Variants in FREM2 observed in about 807,000 individuals in gnomAD.
FREM2 encodes FRAS1 related extracellular matrix 2, also known as FRAS1-related extracellular matrix protein 2.
FREM2 carries 119 observed loss-of-function variants against 219.9 expected under a neutral mutation model. The ratio of observed to expected loss-of-function variants is 0.54; its 90% CI spans 0.47 to 0.63. The LOEUF is 0.63. Ranked by LOEUF, FREM2 falls within the 30% of genes least tolerant of loss-of-function variation. The probability of loss-of-function intolerance (pLI) is 0.00; values close to 1 mark genes in which losing one functional copy is unlikely to be tolerated. For missense variants in FREM2, 4,030 were observed against 3,993.6 expected (o/e 1.01, Z -0.25); for synonymous variants, 1,562 against 1,522.8 (o/e 1.03, Z -0.60).
At chr13:38,804,921 T>C (rs1457863777) in intron 6 of FREM2, among the ~76,000 whole-genome samples, 2 of 152,178 alleles carry the variant, frequency 1.3e-5, no homozygotes, top group East Asian at 3.9e-4. Context: ...CAATAATTCC[T>C]GATCAAACAA....
chr13:38,772,848 C>T (rs1452412508), intron 4 of FREM2, among the ~76,000 whole-genome samples: 1 of 152,018 alleles, frequency 6.6e-6, no homozygotes, highest in Non-Finnish European at 1.5e-5. Context: ...GGGCGGTTGC[C>T]ACCACGCCCG....
At chr13:38,853,420 T>G (rs1029701935) in intron 11 of FREM2, among the ~76,000 whole-genome samples, 1 of 152,188 alleles carries the variant, frequency 6.6e-6, no homozygotes, top group Non-Finnish European at 1.5e-5. Context: ...AATATTACAT[T>G]TATGAATTAT....
intron 6 of FREM2, among the ~76,000 whole-genome samples, chr13:38,786,367 CTT>C (rs1382963694): frequency 1.3e-5 from 2 of 152,150 alleles, no homozygotes; most frequent in African/African-American, 4.8e-5. Context: ...TATTGAAAGT[CTT>C]GATTCTACCT....
chr13:38,704,671 A>C (rs1455740261), intron 2 of FREM2, among the ~76,000 whole-genome samples: 3 of 152,160 alleles, frequency 2.0e-5, no homozygotes, highest in African/African-American at 7.2e-5. Flanking sequence ...TTTTGTGCTA[A>C]AGAAAAGAGT....
Position 38,689,497 on chromosome 13 carries a change from TC to T in FREM2, c.2154del (p.Thr719HisfsTer3). ...PLRMVVQESQ[L>X]TPLRKKWLRY... Reference sequence around the variant, plus strand: ...CGTATGGTGGTACAGGAATCCCAGCTCACACCACTGAGGAAGAAGTGGCTGC... The same window carrying T: ...CGTATGGTGGTACAGGAATCCCAGCTACACCACTGAGGAAGAAGTGGCTGC... On this transcript the variant is annotated frameshift_variant, in exon 1 of 24. Coordinates refer to ENST00000280481, the MANE Select transcript of FREM2 (RefSeq NM_207361.6). LOFTEE classifies it high-confidence loss of function. 1 of 1,614,000 alleles carries T rather than the reference TC, an allele frequency of 6.2e-7. No individual in the cohort carries two copies. The highest frequency in any genetic ancestry group is 8.5e-7 in the Non-Finnish European group (1 of 1,179,984).
rs560341477 is a variant in FREM2 at position 38,791,189 on chromosome 13, A to G, written c.6019+6381A>G. On this transcript the variant is annotated intron_variant, in intron 6 of 23. Coordinates refer to ENST00000280481, the MANE Select transcript of FREM2 (RefSeq NM_207361.6). ...CAGTACTTCTTCAACAGCACATTTAAAAATATATGTTTTAATATAAAGCAT... is the reference window on the plus strand; with the variant it reads ...CAGTACTTCTTCAACAGCACATTTAGAAATATATGTTTTAATATAAAGCAT... Among the ~76,000 whole-genome samples the G allele has an allele frequency of 2.0e-5, 3 of 152,312 alleles. No homozygotes were observed. In the East Asian group the frequency reaches 5.8e-4, roughly 29 times the overall value.
intron 2 of FREM2, among the ~76,000 whole-genome samples, chr13:38,704,878 T>A (rs1478084563): frequency 6.6e-6 from 1 of 151,980 alleles, no homozygotes; most frequent in East Asian, 1.9e-4. Context: ...TGAAGGGAAG[T>A]GCCACACTTT....
At chr13:38,874,193 C>G (rs1361065435) in intron 17 of FREM2, among the ~76,000 whole-genome samples, 5 of 151,996 alleles carry the variant, frequency 3.3e-5, no homozygotes, top group African/African-American at 1.2e-4. Flanking sequence ...CAATTTACAG[C>G]TTCATTTTTA....
At chr13:38,834,323 C>T (rs1463858591) in intron 6 of FREM2, among the ~76,000 whole-genome samples, 1 of 152,166 alleles carries the variant, frequency 6.6e-6, no homozygotes, top group Non-Finnish European at 1.5e-5. Context: ...CCAGCTTCAT[C>T]CATGTCCCTG....
In FREM2 at chr13:38,783,099, T is replaced by A. The variant is rs766925861; in HGVS notation, c.5671T>A (p.Tyr1891Asn). ...EPTVFIPQSK[Y>N]SVEEDVGELF... is the part of the protein sequence containing the mutation. Reference sequence around the variant, plus strand: ...AACTGTGTTTATTCCCCAGTCCAAATACTCCGTTGAAGAAGATGTTGGTGA... The same window carrying A: ...AACTGTGTTTATTCCCCAGTCCAAAAACTCCGTTGAAGAAGATGTTGGTGA... Residue 1891 changes from tyrosine (Y) to asparagine (N), a missense_variant, in exon 5 of 24, where the codon TAC becomes AAC. Around this residue, in one of 2 missense-constraint regions of FREM2, gnomAD observed 3,102 missense variants for 2,950.7 expected, o/e 1.05. Transcript: ENST00000280481. 6.2e-7 allele frequency: 1 copy of A among 1,613,888 alleles called. No individual in the cohort carries two copies. Among genetic ancestry groups the A allele is most frequent in the Non-Finnish European group, 8.5e-7 (1 of 1,179,916 alleles).
At chr13:38,725,296 A>G (rs1386575516) in intron 2 of FREM2, among the ~76,000 whole-genome samples, 1 of 152,212 alleles carries the variant, frequency 6.6e-6, no homozygotes. Context: ...TACTTTACAT[A>G]CATGGGAAAC....
Position 38,688,674 on chromosome 13 carries a change from A to G in FREM2, c.1330A>G (p.Asn444Asp). 6.2e-7 allele frequency: 1 copy of G among 1,614,036 alleles called. No homozygotes were observed. The highest frequency in any genetic ancestry group is 8.5e-7 in the Non-Finnish European group (1 of 1,179,998). ...MNTMAPVVTR[N>D]TGLILYEGQS... Reference sequence around the variant, plus strand: ...CACAATGGCTCCGGTGGTCACCCGGAATACCGGTCTTATTCTCTATGAGGG... The same window carrying G: ...CACAATGGCTCCGGTGGTCACCCGGGATACCGGTCTTATTCTCTATGAGGG... Residue 444 changes from asparagine (N) to aspartate (D), a missense_variant, in exon 1 of 24, where the codon AAT (asparagine) becomes GAT (aspartate). Physicochemically the swap from Asn to Asp is conservative, Grantham distance 23 (BLOSUM62 1). Around this residue, in one of 2 missense-constraint regions of FREM2, gnomAD observed 3,102 missense variants for 2,950.7 expected, o/e 1.05. Transcript: ENST00000280481.
At chr13:38,720,434 C>G (rs1307494207) in intron 2 of FREM2, among the ~76,000 whole-genome samples, 1 of 152,108 alleles carries the variant, frequency 6.6e-6, no homozygotes, top group Non-Finnish European at 1.5e-5. Flanking sequence ...CTCACACATG[C>G]GCAGACAGAT....
chr13:38,689,781 G>A lies in FREM2; in HGVS notation c.2437G>A (p.Val813Met), dbSNP rs200490975. Residue 813 changes from valine to methionine, a missense_variant, in exon 1 of 24, where the codon GTG becomes ATG. Val to Met is a conservative substitution (Grantham distance 21). This residue lies in a region of FREM2 where 3,102 missense variants were observed against 2,950.7 expected (regional missense o/e 1.05). Coordinates refer to ENST00000280481, the MANE Select transcript of FREM2 (RefSeq NM_207361.6). ...CCAGGTGGAAGACCGAGCTGGGAAT[G>A]TGGCTCCAGGTACCTTTACCCTTTA... ...QFQVEDRAGN[V>M]APGTFTLYLH... 5 of 1,613,616 alleles carry A rather than the reference G, an allele frequency of 3.1e-6. No individual in the cohort carries two copies. The highest frequency in any genetic ancestry group is 4.2e-6 in the Non-Finnish European group (5 of 1,179,818).
chr13:38,799,745 T>G (rs1402346707), intron 6 of FREM2, among the ~76,000 whole-genome samples: 3 of 152,070 alleles, frequency 2.0e-5, no homozygotes, highest in African/African-American at 4.8e-5. Context: ...TCTTTCTTAC[T>G]GTTTTTGACT....
chr13:38,738,165 A>C (rs1053682882), intron 2 of FREM2, among the ~76,000 whole-genome samples: 1 of 152,202 alleles, frequency 6.6e-6, no homozygotes, highest in African/African-American at 2.4e-5. Context: ...AATATGGAAC[A>C]CAAAAGGAGA....
chr13:38,828,277 G>A (rs1489174181), intron 6 of FREM2, among the ~76,000 whole-genome samples: 1 of 152,148 alleles, frequency 6.6e-6, no homozygotes, highest in South Asian at 2.1e-4. Flanking sequence ...GGAAGATTGA[G>A]TTAGTAGATA....
intron 6 of FREM2, among the ~76,000 whole-genome samples, chr13:38,841,779 C>A (rs1876973413): frequency 6.6e-6 from 1 of 152,052 alleles, no homozygotes; most frequent in Non-Finnish European, 1.5e-5. Flanking sequence ...TATTCATTTG[C>A]TGCAGCAAAT....
chr13:38,721,055 G>A (rs2138107627), intron 2 of FREM2, among the ~76,000 whole-genome samples: 1 of 152,234 alleles, frequency 6.6e-6, no homozygotes, highest in Admixed American at 6.5e-5. Context: ...TGGATGCTGG[G>A]TTTAATACCT....
Sources: allele counts gnomAD v4.1 joint callset (sites outside exome capture counted in the v4.1 genomes callset), GRCh38; gene constraint gnomAD v4.1.1; regional missense constraint gnomAD v4.1.1; transcripts MANE v1.5; gene names NCBI Gene and HGNC (gene_info 2026-07-23, HGNC 2026-07-21).